The following PCNX1 variants were observed in gnomAD, a reference collection of about 807,000 sequenced individuals.
The protein encoded by PCNX1 is pecanex 1.
Under a neutral mutation model 242.2 loss-of-function variants are expected in PCNX1, and 78 were observed. That is an observed-to-expected ratio of 0.32 (90% CI 0.27 to 0.39). PCNX1 has a LOEUF of 0.39. PCNX1 is among the 10% of genes least tolerant of loss of function. The pLI is 1.00. For synonymous variants in PCNX1, 1,024 were observed against 1,032.9 expected (o/e 0.99, Z 0.17); for missense variants, 2,581 against 2,856.5 (o/e 0.90, Z 2.20).
At position 70,976,435 on chromosome 14, in the gene PCNX1, C is replaced by CGT. The variant is rs1225577333; in HGVS notation, c.605-506_605-505insTG. 4.1e-5 allele frequency among the ~76,000 whole-genome samples: 6 copies of CGT among 146,800 alleles called. No individual in the cohort carries two copies. In the East Asian group the frequency reaches 6.1e-4, roughly 15 times the overall value. On this transcript the variant is annotated intron_variant, in intron 5 of 35. Coordinates refer to ENST00000304743, the MANE Select transcript of PCNX1 (RefSeq NM_014982.3). ...TTGCCCAGGCTGGAGTGCAGTGGTA[C>CGT]GATCTCGGCTCACTGCATGCTCCGC...
chr14:71,096,995 C>T (rs1032826565), intron 30 of PCNX1, among the ~76,000 whole-genome samples: 1 of 152,132 alleles, frequency 6.6e-6, no homozygotes, highest in African/African-American at 2.4e-5. Flanking sequence ...CCTCCCTCCT[C>T]CTCCCCACCC....
At position 70,977,482 on chromosome 14, in the gene PCNX1, C is replaced by T; in HGVS notation, c.1145C>T (p.Thr382Ile). The T allele has an allele frequency of 6.2e-7, 1 of 1,614,100 alleles. No individual in the cohort carries two copies. The highest frequency in any genetic ancestry group is 2.2e-5 in the East Asian group (1 of 44,882). The change falls in exon 6 of 36, where the codon ACA (threonine) becomes ATA (isoleucine). Residue 382 changes from threonine to isoleucine, a missense_variant. By Grantham distance (89) the Thr-to-Ile change is moderately conservative. Transcript: ENST00000304743. ...RSLSTRSSGS[T>I]ESYCSGTDRD... ...CTGAGCACACGGAGTAGTGGGTCAA[C>T]AGAAAGCTACTGCAGTGGAACGGAC... is the stretch of plus-strand genomic sequence containing the variant.
chr14:71,045,419 T>A, intron 20 of PCNX1, 136 bp downstream of exon 20: 1 of 643,486 alleles, frequency 1.6e-6, no homozygotes, highest in Non-Finnish European at 2.6e-6. Flanking sequence ...TTGAAGCCGT[T>A]AATGAATCTA....
intron 3 of PCNX1, among the ~76,000 whole-genome samples, chr14:70,967,502 T>C (rs893190949): frequency 6.6e-6 from 1 of 152,204 alleles, no homozygotes; most frequent in African/African-American, 2.4e-5. Flanking sequence ...ATTTTCATGG[T>C]AGTATAATAA....
chr14:71,073,937 C>G, intron 27 of PCNX1, 139 bp downstream of exon 27: 1 of 482,494 alleles, frequency 2.1e-6, no homozygotes, highest in Non-Finnish European at 3.3e-6. Flanking sequence ...TCTCTAGGAT[C>G]CAGAATACTC....
At chr14:71,034,850 C>T (rs1186869639) in intron 18 of PCNX1, among the ~76,000 whole-genome samples, 3 of 152,020 alleles carry the variant, frequency 2.0e-5, no homozygotes, top group Non-Finnish European at 4.4e-5. Context: ...TTTCATGTTA[C>T]GTATAGTAGG....
chr14:70,952,163 A>G (rs2057808136), intron 2 of PCNX1, among the ~76,000 whole-genome samples: 1 of 152,180 alleles, frequency 6.6e-6, no homozygotes, highest in Non-Finnish European at 1.5e-5. Flanking sequence ...TTCTTAGAAT[A>G]ATTCCTGACA....
chr14:71,011,371 G>A, intron 9 of PCNX1, 121 bp from the exon 10 acceptor site: 2 of 681,048 alleles, frequency 2.9e-6, no homozygotes, highest in South Asian at 3.3e-5. Flanking sequence ...CTAGGAAAAT[G>A]CTATTTTGCA....
chr14:71,059,405 CAG>C (rs1212378852), intron 26 of PCNX1, among the ~76,000 whole-genome samples: 3 of 151,610 alleles, frequency 2.0e-5, no homozygotes, highest in East Asian at 1.9e-4. Context: ...TTTTAAGAGA[CAG>C]GGGTCTCGCT....
chr14:70,977,133 C>T lies in PCNX1; in HGVS notation c.796C>T (p.Leu266Phe), dbSNP rs2058711955. 5 of 1,614,106 alleles carry T rather than the reference C, an allele frequency of 3.1e-6. No homozygotes were observed. Among genetic ancestry groups the T allele is most frequent in the Non-Finnish European group, 4.2e-6 (5 of 1,180,034 alleles). Residue 266 changes from leucine (L) to phenylalanine (F), a missense_variant, in exon 6 of 36, where the codon CTT becomes TTT. Around this residue, in one of 9 missense-constraint regions of PCNX1, gnomAD observed 1,204 missense variants for 1,216.7 expected, o/e 0.99. Coordinates refer to ENST00000304743, the MANE Select transcript of PCNX1 (RefSeq NM_014982.3). ...CGCCTGTGACACAGAAGTAGCTTCT[C>T]TTGTACCTTTACACTCACACTCTTA... ...SSACDTEVAS[L>F]VPLHSHSYRK...
chr14:70,981,402 A>G (rs1406752699), intron 6 of PCNX1, among the ~76,000 whole-genome samples: 2 of 152,198 alleles, frequency 1.3e-5, no homozygotes, highest in African/African-American at 2.4e-5. Context: ...CTGATTCCCT[A>G]GTTTCTTACA....
Position 70,977,490 on chromosome 14 carries a change from T to A in PCNX1, c.1153T>A (p.Tyr385Asn). The A allele has an allele frequency of 6.2e-7, 1 of 1,614,156 alleles. No homozygotes were observed. Among genetic ancestry groups the A allele is most frequent in the Non-Finnish European group, 8.5e-7 (1 of 1,180,028 alleles). ...STRSSGSTES[Y>N]CSGTDRDTNS... is the part of the protein sequence containing the mutation. ...ACGGAGTAGTGGGTCAACAGAAAGC[T>A]ACTGCAGTGGAACGGACCGGGACAC... Residue 385 changes from tyrosine to asparagine, a missense_variant, in exon 6 of 36, where the codon TAC becomes AAC. Physicochemically the swap from Tyr to Asn is moderately radical, Grantham distance 143 (BLOSUM62 -2). Transcript: ENST00000304743.
chr14:71,009,984 ACT>A (rs1331160204), intron 9 of PCNX1: 4 of 284,658 alleles, frequency 1.4e-5, no homozygotes, highest in Non-Finnish European at 2.6e-5. Context: ...ACTTAAATCT[ACT>A]CTCTTAGTGA....
chr14:71,072,639 GA>G (rs1050629418), intron 26 of PCNX1, among the ~76,000 whole-genome samples: 8 of 151,852 alleles, frequency 5.3e-5, no homozygotes, highest in African/African-American at 7.3e-5. Flanking sequence ...TACTTTTAAA[GA>G]AAAAAAATTA....
rs1426251687 is a variant in PCNX1, at chr14:70,995,625, A to G, written c.2445-116A>G. Reference sequence around the variant, plus strand: ...TTGCAAAGTTTGTTGGCGCTTTCTTAGGTTATGTTGAAAAAAAGTGCCTTT... The same window carrying G: ...TTGCAAAGTTTGTTGGCGCTTTCTTGGGTTATGTTGAAAAAAAGTGCCTTT... On this transcript the variant is annotated intron_variant, in intron 7 of 35. Transcript: ENST00000304743. 8 of 771,152 alleles carry G rather than the reference A, an allele frequency of 1.0e-5. No homozygotes were observed. In the African/African-American group the frequency reaches 1.4e-4, roughly 14 times the overall value. The allele number at this position is 771,152 out of a possible 1,614,324, so 47.8% of individuals were successfully genotyped here. A position where few individuals can be genotyped will look rare whatever the true frequency, so the allele number is the denominator to read the frequency against.
intron 22 of PCNX1, among the ~76,000 whole-genome samples, chr14:71,048,267 T>C (rs1170590764): frequency 6.6e-6 from 1 of 152,150 alleles, no homozygotes; most frequent in Non-Finnish European, 1.5e-5. Context: ...TCAAAAGGTA[T>C]ATAGTTTTGA....
In PCNX1 at chr14:71,011,727, TAAG is replaced by T. The variant is rs1458508541; in HGVS notation, c.2778+181_2778+183del. 1.4e-5 allele frequency: 8 copies of T among 574,480 alleles called. No individual in the cohort carries two copies. The East Asian group carries it at 2.1e-4, about 15-fold the overall frequency. The allele number at this position is 574,480 out of a possible 1,614,324, so 35.6% of individuals were successfully genotyped here. A position where few individuals can be genotyped will look rare whatever the true frequency, so the allele number is the denominator to read the frequency against. ...GGCTCTCTTTTTCTAAGTCCTTTGA[TAAG>T]AAACAAAAGTACAAGGTTAAGAAAC... On this transcript the variant is annotated intron_variant, in intron 10 of 35. Coordinates refer to ENST00000304743, the MANE Select transcript of PCNX1 (RefSeq NM_014982.3).
Position 71,033,425 on chromosome 14 carries a change from G to T in PCNX1, c.3559-4G>T, listed in dbSNP as rs200144558. 2.0e-6 allele frequency: 3 copies of T among 1,480,618 alleles called. No homozygotes were observed. Among genetic ancestry groups the T allele is most frequent in the Admixed American group, 1.7e-5 (1 of 58,082 alleles). 91.7% of individuals were successfully genotyped at this position (1,480,618 alleles called of 1,614,324 possible). On this transcript the variant is annotated splice_polypyrimidine_tract_variant and splice_region_variant and intron_variant, in intron 16 of 35. Coordinates refer to ENST00000304743, the MANE Select transcript of PCNX1 (RefSeq NM_014982.3). ...ATTATTCTGTTAAATTCATTTTTCC[G>T]CAGGATTCTTGGGATGGCCAGCATA...
At chr14:71,084,446 C>G (rs2061933123) in intron 28 of PCNX1, among the ~76,000 whole-genome samples, 1 of 152,148 alleles carries the variant, frequency 6.6e-6, no homozygotes, top group South Asian at 2.1e-4. Flanking sequence ...GAAGCTGTGC[C>G]CACAGCCACC....
Sources: allele counts gnomAD v4.1 joint callset (sites outside exome capture counted in the v4.1 genomes callset), GRCh38; gene constraint gnomAD v4.1.1; regional missense constraint gnomAD v4.1.1; transcripts MANE v1.5; gene names NCBI Gene and HGNC (gene_info 2026-07-23, HGNC 2026-07-21).